Variants in DENND2A observed in about 807,000 individuals in gnomAD.
DENND2A encodes the protein DENN domain-containing protein 2A.
DENND2A carries 53 observed loss-of-function variants against 105.3 expected under a neutral mutation model. That is an observed-to-expected ratio of 0.50 (90% CI 0.40 to 0.63). The LOEUF is 0.63. Among genes scored for constraint, DENND2A ranks in the 30% least tolerant of loss-of-function variants. The pLI, the probability that DENND2A is intolerant of heterozygous loss-of-function variation, is 0.00. For missense variants in DENND2A, 1,138 were observed against 1,279.6 expected, an observed-to-expected ratio of 0.89 and a Z score of 1.69; for synonymous variants, 522 against 508.4, an observed-to-expected ratio of 1.03 and a Z score of -0.36.
intron 5 of DENND2A, among the ~76,000 whole-genome samples, chr7:140,577,406 T>C (rs909658402): frequency 5.3e-5 from 8 of 151,742 alleles, no homozygotes; most frequent in East Asian, 3.9e-4. Flanking sequence ...TTTCTTTTTT[T>C]TTTTTTTTTG....
intron 3 of DENND2A, among the ~76,000 whole-genome samples, chr7:140,597,599 A>C (rs967356821): frequency 1.3e-5 from 2 of 152,234 alleles, no homozygotes; most frequent in African/African-American, 4.8e-5. Context: ...AAGTAACTTT[A>C]GCTGTTTATA....
At chr7:140,640,958 G>A (rs1008803894), upstream of DENND2A, among the ~76,000 whole-genome samples, 2 of 150,838 alleles carry the variant, frequency 1.3e-5, no homozygotes, top group Admixed American at 1.3e-4. The surrounding 1 kb of genome is among the most constrained non-coding windows in gnomAD (Gnocchi z 4.9). Context: ...ACCTTCTGCC[G>A]GACTCGCCCC....
intron 1 of DENND2A, among the ~76,000 whole-genome samples, chr7:140,639,585 C>T (rs1801106199): frequency 6.6e-6 from 1 of 152,170 alleles, no homozygotes. Context: ...TCTTTCTCTT[C>T]TTTTATGTGG....
chr7:140,543,526 A>G (rs1011328529), intron 14 of DENND2A: 1 of 152,190 alleles, frequency 6.6e-6, no homozygotes, highest in African/African-American at 2.4e-5. Context: ...AGTCGCACAC[A>G]GCAGTGCAAA....
chr7:140,637,378 A>C (rs763654048), intron 1 of DENND2A, among the ~76,000 whole-genome samples: 1 of 152,216 alleles, frequency 6.6e-6, no homozygotes, highest in Admixed American at 6.5e-5. Flanking sequence ...CAATGTATGG[A>C]CATAGATTCT....
rs538967088 is a variant in DENND2A at position 140,523,576 on chromosome 7, T to G, written c.2548-152A>C. On this transcript the variant is annotated intron_variant, in intron 16 of 19. Transcript: ENST00000496613. This position sits in a 1 kb window ranked among gnomAD's most constrained non-coding sequence, Gnocchi z 4.5. ...AGCCAGAGGTCTGAGGTTTCAATCT[T>G]GAGCCTACTTTTTTTTTTGAGACAG... The G allele has an allele frequency of 1.7e-3, 1,120 of 651,308 alleles. 4 individuals carry two copies. Among genetic ancestry groups the G allele is most frequent in the Non-Finnish European group, 2.4e-3 (921 of 381,926 alleles). 40.3% of individuals were successfully genotyped at this position (651,308 alleles called of 1,614,324 possible). A position where few individuals can be genotyped will look rare whatever the true frequency, so the allele number is the denominator to read the frequency against.
At chr7:140,550,262 G>A (rs913956403) in intron 12 of DENND2A, among the ~76,000 whole-genome samples, 11 of 152,010 alleles carry the variant, frequency 7.2e-5, no homozygotes, top group Admixed American at 5.9e-4. Flanking sequence ...GCATGATTTT[G>A]GCTCACTGCA....
In DENND2A at chr7:140,527,535, C is replaced by T. The variant is rs529876522; in HGVS notation, c.2328-40G>A. Reference sequence around the variant, plus strand: ...AGAACAGGGAGAGAGGCCGACTCAGCGAGGGCCCGAGGAAGCCTCCAGGGG... The same window carrying T: ...AGAACAGGGAGAGAGGCCGACTCAGTGAGGGCCCGAGGAAGCCTCCAGGGG... On this transcript the variant is annotated intron_variant, in intron 14 of 19. Transcript: ENST00000496613. The surrounding 1 kb of genome is among the most constrained non-coding windows in gnomAD (Gnocchi z 4.9). 5.8e-6 allele frequency: 9 copies of T among 1,541,770 alleles called. No individual in the cohort carries two copies. In the African/African-American group the frequency reaches 6.8e-5, roughly 12 times the overall value.
At chr7:140,594,239 C>A (rs1799189058) in intron 3 of DENND2A, among the ~76,000 whole-genome samples, 1 of 152,124 alleles carries the variant, frequency 6.6e-6, no homozygotes, top group South Asian at 2.1e-4. Flanking sequence ...TCTCTCTCCC[C>A]TTCTTAAAAA....
chr7:140,622,289 G>A (rs1372801344), intron 1 of DENND2A, among the ~76,000 whole-genome samples: 3 of 151,954 alleles, frequency 2.0e-5, no homozygotes, highest in Non-Finnish European at 4.4e-5. Context: ...TCAGCTACTC[G>A]GGAGGCTGAG....
intron 3 of DENND2A, among the ~76,000 whole-genome samples, chr7:140,598,496 A>T (rs946413835): frequency 2.0e-5 from 3 of 152,244 alleles, no homozygotes; most frequent in Non-Finnish European, 2.9e-5. Flanking sequence ...GGTATAAATT[A>T]AAAAGAAAAG....
In DENND2A at chr7:140,625,912, TG is replaced by T. The variant is rs1800507389; in HGVS notation, c.-248+14591del. 2.0e-5 allele frequency among the ~76,000 whole-genome samples: 3 copies of T among 152,344 alleles called. No individual in the cohort carries two copies. The South Asian group carries it at 6.2e-4, about 32-fold the overall frequency. On this transcript the variant is annotated intron_variant, in intron 1 of 19. Coordinates refer to ENST00000496613, the MANE Select transcript of DENND2A (RefSeq NM_015689.5). ...TATGTTTTGACACCTCAAATTAAGC[TG>T]CAATGATGAATGAACAGCTGATACA...
intron 12 of DENND2A, among the ~76,000 whole-genome samples, chr7:140,549,562 G>A (rs1183148410): frequency 6.6e-6 from 1 of 152,100 alleles, no homozygotes. Flanking sequence ...CCTCGAAATA[G>A]ACAATTAATA....
At position 140,521,885 on chromosome 7, in the gene DENND2A, C is replaced by G. The variant is rs1795872637; in HGVS notation, c.2881G>C (p.Glu961Gln). 2 of 1,613,982 alleles carry G rather than the reference C, an allele frequency of 1.2e-6. No homozygotes were observed. Among genetic ancestry groups the G allele is most frequent in the African/African-American group, 1.3e-5 (1 of 74,952 alleles). The stretch of plus-strand genomic sequence containing the variant: ...GCATCCTGCCGGCGCAGCTCCCGCT[C>G]CTGGATGAAGCCCCGAAACATCTGA... ...ETQMFRGFIQ[E>Q]RELRRQDAKG... Residue 961 changes from glutamate to glutamine, a missense_variant, in exon 18 of 20, where the codon GAG becomes CAG. Physicochemically the swap from Glu to Gln is conservative, Grantham distance 29. Coordinates refer to ENST00000496613, the MANE Select transcript of DENND2A (RefSeq NM_015689.5).
intron 1 of DENND2A, among the ~76,000 whole-genome samples, chr7:140,615,451 C>T (rs567772415): frequency 5.3e-5 from 8 of 152,192 alleles, no homozygotes; most frequent in South Asian, 4.2e-4. Flanking sequence ...CCTTAGAGCA[C>T]GACACCAGGT....
intron 12 of DENND2A, among the ~76,000 whole-genome samples, chr7:140,552,541 GCA>G (rs2130546828): frequency 6.6e-6 from 1 of 152,004 alleles, no homozygotes; most frequent in Non-Finnish European, 1.5e-5. Flanking sequence ...AACTACAGGT[GCA>G]CACTACCATG....
chr7:140,633,157 T>A (rs1800794495), intron 1 of DENND2A, among the ~76,000 whole-genome samples: 1 of 152,032 alleles, frequency 6.6e-6, no homozygotes, highest in Non-Finnish European at 1.5e-5. Context: ...GCCTCCTGAG[T>A]AGCTGGGACT....
rs536552545 is a variant in DENND2A, at chr7:140,580,119, G to T, written c.1245+5470C>A. On this transcript the variant is annotated intron_variant, in intron 5 of 19. Coordinates refer to ENST00000496613, the MANE Select transcript of DENND2A (RefSeq NM_015689.5). Reference sequence around the variant, plus strand: ...GGGAAACTCCATCTCAAAAAAAAATGTAAATCTATTACAGAAATATTAGAA... The same window carrying T: ...GGGAAACTCCATCTCAAAAAAAAATTTAAATCTATTACAGAAATATTAGAA... 6.3e-3 allele frequency among the ~76,000 whole-genome samples: 959 copies of T among 152,156 alleles called. 14 individuals are homozygous for T. The highest frequency in any genetic ancestry group is 0.022 in the African/African-American group (927 of 41,522).
In DENND2A at chr7:140,521,977, C is replaced by T. The variant is rs192139201; in HGVS notation, c.2789G>A (p.Arg930Gln). 1.1e-5 allele frequency: 17 copies of T among 1,614,148 alleles called. No homozygotes were observed. The highest frequency in any genetic ancestry group is 3.3e-5 in the South Asian group (3 of 91,078). Residue 930 changes from arginine (R) to glutamine (Q), a missense_variant, in exon 18 of 20, where the codon CGG becomes CAG. Coordinates refer to ENST00000496613, the MANE Select transcript of DENND2A (RefSeq NM_015689.5). ...SGEREERTLQ[R>Q]EAFRKAVSSK... ...GGAGACAGCTTTGCGGAAGGCCTCC[C>T]GCTGCAGGGTTCTCTCCTCACGCTC...
Sources: gnomAD v4.1 joint callset for allele counts (sites outside exome capture counted in the v4.1 genomes callset) on GRCh38, gnomAD v4.1.1 for gene constraint, Gnocchi (gnomAD v3.1) non-coding constraint, MANE v1.5 for transcripts, NCBI Gene and HGNC (gene_info 2026-07-23, HGNC 2026-07-21) for gene names.